The following SEMA4B variants were observed in gnomAD, a reference collection of about 807,000 sequenced individuals.
SEMA4B encodes the protein semaphorin-4B.
Under a neutral mutation model 88.1 loss-of-function variants are expected in SEMA4B, and 55 were observed. The observed-to-expected ratio is 0.62, with a 90% CI of 0.50 to 0.78. SEMA4B has a LOEUF of 0.78. SEMA4B is among the 30% of genes least tolerant of loss of function. The probability of loss-of-function intolerance (pLI) is 0.00; values close to 1 mark genes in which losing one functional copy is unlikely to be tolerated. For missense variants in SEMA4B, 1,062 were observed against 1,111.9 expected, an observed-to-expected ratio of 0.96 and a Z score of 0.64; for synonymous variants, 525 against 473.6, an observed-to-expected ratio of 1.11 and a Z score of -1.41.
Position 90,217,901 on chromosome 15 carries a change from G to A in SEMA4B, c.384+72G>A, listed in dbSNP as rs529616849. ...GTGGTGGACTTCCATCCAGGCCAGA[G>A]GCGGGAGGTGGGAGCAGATACAGCC... On this transcript the variant is annotated intron_variant, in intron 3 of 13. Coordinates refer to ENST00000411539, the MANE Select transcript of SEMA4B (RefSeq NM_198925.4). 710 of 1,337,454 alleles carry A rather than the reference G, an allele frequency of 5.3e-4. 6 individuals are homozygous for A. In the South Asian group the frequency reaches 8.5e-3, roughly 16 times the overall value. The allele number at this position is 1,337,454 out of a possible 1,614,324, so 82.8% of individuals were successfully genotyped here.
intron 1 of SEMA4B, among the ~76,000 whole-genome samples, chr15:90,213,693 C>T (rs1961382987): frequency 6.6e-6 from 1 of 152,242 alleles, no homozygotes; most frequent in Admixed American, 6.5e-5. Context: ...GCTGCCCAGA[C>T]TTACAGGGCC....
chr15:90,188,890 C>T (rs1960261609), intron 1 of SEMA4B, among the ~76,000 whole-genome samples: 2 of 151,476 alleles, frequency 1.3e-5, no homozygotes, highest in South Asian at 4.2e-4. Context: ...GGATGGTCTA[C>T]GATCTCCTGA....
Position 90,223,568 on chromosome 15 carries a change from G to A in SEMA4B, c.871G>A (p.Gly291Ser). Reference sequence around the variant, plus strand: ...CCGACTCTCCCTCCAGGGCGATGAGGGTGGAGAGCGGGTGCTACAGCAGCG... The same window carrying A: ...CCGACTCTCCCTCCAGGGCGATGAGAGTGGAGAGCGGGTGCTACAGCAGCG... The part of the protein sequence containing the change: ...RIARICKGDE[G>S]GERVLQQRWT... Residue 291 changes from glycine to serine, a missense_variant, in exon 8 of 14, where the codon GGT becomes AGT. Coordinates refer to ENST00000411539, the MANE Select transcript of SEMA4B (RefSeq NM_198925.4). 6.3e-7 allele frequency: 1 copy of A among 1,594,522 alleles called. No individual in the cohort carries two copies.
At chr15:90,219,602 C>T in intron 3 of SEMA4B, 191 bp from the exon 4 acceptor site, 1 of 566,266 alleles carries the variant, frequency 1.8e-6, no homozygotes, top group Non-Finnish European at 3.1e-6. Context: ...GGGCTCCCTG[C>T]AGCACACACA....
At chr15:90,206,757 A>G (rs905062673) in intron 1 of SEMA4B, 16 of 765,736 alleles carry the variant, frequency 2.1e-5, no homozygotes, top group African/African-American at 3.4e-5. Flanking sequence ...GTGTATGTCA[A>G]GTTGGTGGAA....
intron 1 of SEMA4B, among the ~76,000 whole-genome samples, chr15:90,187,023 G>T (rs922896641): frequency 1.3e-4 from 20 of 152,304 alleles, no homozygotes; most frequent in Non-Finnish European, 2.9e-5. Flanking sequence ...GATGGGAAAC[G>T]GAGACTTGTG....
At chr15:90,195,760 C>T (rs1454099167) in intron 1 of SEMA4B, among the ~76,000 whole-genome samples, 1 of 152,032 alleles carries the variant, frequency 6.6e-6, no homozygotes, top group African/African-American at 2.4e-5. Flanking sequence ...CAGGCATGCG[C>T]CACCATACCT....
At chr15:90,189,746 G>T (rs533051054) in intron 1 of SEMA4B, among the ~76,000 whole-genome samples, 10 of 152,266 alleles carry the variant, frequency 6.6e-5, no homozygotes, top group Non-Finnish European at 7.4e-5. Flanking sequence ...GGGAGTGGGG[G>T]CTGGTAGCAA....
intron 1 of SEMA4B, among the ~76,000 whole-genome samples, chr15:90,188,736 C>T (rs1051401775): frequency 4.6e-5 from 7 of 152,222 alleles, no homozygotes; most frequent in Non-Finnish European, 8.8e-5. Flanking sequence ...GGCGCTATCT[C>T]GGCTCACTGC....
At chr15:90,191,334 G>A (rs866785102) in intron 1 of SEMA4B, among the ~76,000 whole-genome samples, 2 of 152,220 alleles carry the variant, frequency 1.3e-5, no homozygotes, top group South Asian at 2.1e-4. Flanking sequence ...GGCTGAACTT[G>A]AGGGAGTACC....
intron 4 of SEMA4B, 140 bp downstream of exon 4, chr15:90,220,031 G>A: frequency 1.6e-6 from 1 of 612,614 alleles, no homozygotes; most frequent in Non-Finnish European, 2.8e-6. Flanking sequence ...GCCTCCAAGA[G>A]CCCTGAGGTC....
chr15:90,202,634 C>G (rs1960801584), intron 1 of SEMA4B, among the ~76,000 whole-genome samples: 1 of 152,232 alleles, frequency 6.6e-6, no homozygotes, highest in Non-Finnish European at 1.5e-5. Flanking sequence ...CAGTGCCCCA[C>G]CTTTCTCATC....
In SEMA4B at chr15:90,223,822, G is replaced by T. The variant is rs1450109655; in HGVS notation, c.1044-16G>T. Reference sequence around the variant, plus strand: ...CCCCCAGGGCTCCTGGGTTAATCTGGTTATTTCCTCTGCAGGCACAGGGGA... The same window carrying T: ...CCCCCAGGGCTCCTGGGTTAATCTGTTTATTTCCTCTGCAGGCACAGGGGA... On this transcript the variant is annotated splice_polypyrimidine_tract_variant and intron_variant, in intron 8 of 13. Coordinates refer to ENST00000411539, the MANE Select transcript of SEMA4B (RefSeq NM_198925.4). 6.2e-7 allele frequency: 1 copy of T among 1,613,426 alleles called. No homozygotes were observed.
Position 90,223,670 on chromosome 15 carries a change from G to A in SEMA4B, c.973G>A (p.Val325Ile). ...DGFPFNVLQD[V>I]FTLSPSPQDW... Reference sequence around the variant, plus strand: ...CTTCCCCTTCAACGTGCTGCAGGATGTCTTCACGCTGAGCCCCAGCCCCCA... The same window carrying A: ...CTTCCCCTTCAACGTGCTGCAGGATATCTTCACGCTGAGCCCCAGCCCCCA... Residue 325 changes from valine (V) to isoleucine (I), a missense_variant, in exon 8 of 14, where the codon GTC (valine) becomes ATC (isoleucine). By Grantham distance (29) the Val-to-Ile change is conservative (BLOSUM62 3). Coordinates refer to ENST00000411539, the MANE Select transcript of SEMA4B (RefSeq NM_198925.4). 6.2e-7 allele frequency: 1 copy of A among 1,613,598 alleles called. No homozygotes were observed. Among genetic ancestry groups the A allele is most frequent in the Non-Finnish European group, 8.5e-7 (1 of 1,179,754 alleles).
chr15:90,206,186 C>T (rs544563355), intron 1 of SEMA4B, among the ~76,000 whole-genome samples: 3 of 152,328 alleles, frequency 2.0e-5, no homozygotes, highest in East Asian at 3.9e-4. Flanking sequence ...CTTCTTAGAG[C>T]CTGTTGCCTC....
In SEMA4B at chr15:90,201,689, G is replaced by T. The variant is rs1301878680; in HGVS notation, c.111G>T (p.Pro37=). The change falls in exon 1 of 14, where the codon CCG becomes CCT. Residue 37 remains proline (P), a synonymous_variant. Transcript: ENST00000411539. The stretch of plus-strand genomic sequence containing the variant: ...TGCTGCTGCTGCTCCTGCTGCAGCC[G>T]CCGCCTCCGACCTGGGCGCTCAGCC... ...LLLLLLLLLQ[P]PPPTWALSPR... The T allele has an allele frequency of 1.3e-6, 2 of 1,508,474 alleles. No homozygotes were observed. The highest frequency in any genetic ancestry group is 2.6e-5 in the East Asian group (1 of 37,858). The allele number at this position is 1,508,474 out of a possible 1,614,324, so 93.4% of individuals were successfully genotyped here. A position where few individuals can be genotyped will look rare whatever the true frequency, so the allele number is the denominator to read the frequency against.
rs1463223269 is a variant in SEMA4B at position 90,212,857 on chromosome 15, T to C, written c.158-4582T>C. ...CCGTCTGGCTTTGGCCATGAGACCC[T>C]CGTGTGACCAGGTGCGTGCCTAAGT... On this transcript the variant is annotated intron_variant, in intron 1 of 13. Coordinates refer to ENST00000411539, the MANE Select transcript of SEMA4B (RefSeq NM_198925.4). The surrounding 1 kb of genome is among the most constrained non-coding windows in gnomAD (Gnocchi z 4.0). Among the ~76,000 whole-genome samples the C allele has an allele frequency of 6.6e-6, 1 of 152,164 alleles. No homozygotes were observed. Among genetic ancestry groups the C allele is most frequent in the East Asian group, 1.9e-4 (1 of 5,202 alleles).
intron 1 of SEMA4B, among the ~76,000 whole-genome samples, chr15:90,192,429 A>G (rs1168489819): frequency 6.6e-6 from 1 of 152,200 alleles, no homozygotes; most frequent in African/African-American, 2.4e-5. Context: ...ATTAATGGGT[A>G]TTGATCACTT....
At chr15:90,206,824 G>A in intron 1 of SEMA4B, 1 of 729,170 alleles carries the variant, frequency 1.4e-6, no homozygotes, top group Admixed American at 1.8e-5. Context: ...AAAGAAACTG[G>A]GGGAATGGGT....
Sources: gnomAD v4.1 joint callset for allele counts (sites outside exome capture counted in the v4.1 genomes callset) on GRCh38, gnomAD v4.1.1 for gene constraint, Gnocchi (gnomAD v3.1) non-coding constraint, MANE v1.5 for transcripts, NCBI Gene and HGNC (gene_info 2026-07-23, HGNC 2026-07-21) for gene names.